FMNL2: variants seen among roughly 807,000 people sequenced by gnomAD.
FMNL2 encodes formin like 2, also known as formin-like protein 2.
A neutral mutation model predicts 130.2 loss-of-function variants in FMNL2; 51 were observed. The observed-to-expected ratio is 0.39, with a 90% CI of 0.31 to 0.49. The LOEUF (loss-of-function observed/expected upper bound fraction) is 0.49. Ranked by LOEUF, FMNL2 falls within the 20% of genes least tolerant of loss-of-function variation. The pLI is 0.85. For missense variants in FMNL2, 977 were observed against 1,316.2 expected (o/e 0.74, Z 3.99); for synonymous variants, 465 against 467.1 (o/e 1.00, Z 0.06).
At chr2:152,552,499 G>A (rs1694990716) in intron 4 of FMNL2, among the ~76,000 whole-genome samples, 1 of 152,204 alleles carries the variant, frequency 6.6e-6, no homozygotes, top group Non-Finnish European at 1.5e-5. Context: ...GCTTTCCCAA[G>A]ATAACATTCT....
At chr2:152,545,308 C>T (rs943545092) in intron 3 of FMNL2, among the ~76,000 whole-genome samples, 1 of 152,104 alleles carries the variant, frequency 6.6e-6, no homozygotes, top group Non-Finnish European at 1.5e-5. Context: ...TAAATTTCAG[C>T]CAGACAGTCT....
chr2:152,506,892 GT>G (rs1692205580), intron 1 of FMNL2, among the ~76,000 whole-genome samples: 1 of 152,210 alleles, frequency 6.6e-6, no homozygotes. Context: ...CAATATGTGT[GT>G]AGCTATGGGG....
chr2:152,442,878 A>G (rs764849415), intron 1 of FMNL2, among the ~76,000 whole-genome samples: 14 of 152,178 alleles, frequency 9.2e-5, no homozygotes, highest in Non-Finnish European at 1.8e-4. Context: ...TGCTCAGTTT[A>G]TGATTCAGTA....
In FMNL2 at chr2:152,648,038, G is replaced by A. The variant is rs12693429; in HGVS notation, c.*133G>A. 0.42 allele frequency: 310,493 copies of A among 744,412 alleles called. 69,653 individuals carry two copies. Among genetic ancestry groups the A allele is most frequent in the African/African-American group, 0.52 (29,021 of 55,848 alleles). The allele number at this position is 744,412 out of a possible 1,614,324, so 46.1% of individuals were successfully genotyped here. On this transcript the variant is annotated 3_prime_UTR_variant, in exon 26 of 26. Coordinates refer to ENST00000288670, the MANE Select transcript of FMNL2 (RefSeq NM_052905.4). ...TTAAGGGCTCAGATTTAGCAAACACGGAAGAATTTTAAAATGAGCTCTCCT... is the reference window on the plus strand; with the variant it reads ...TTAAGGGCTCAGATTTAGCAAACACAGAAGAATTTTAAAATGAGCTCTCCT...
intron 1 of FMNL2, among the ~76,000 whole-genome samples, chr2:152,348,339 T>G (rs1230181313): frequency 6.6e-6 from 1 of 152,232 alleles, no homozygotes; most frequent in Non-Finnish European, 1.5e-5. Context: ...CACTGTGGGC[T>G]CCTGAAAGGC....
chr2:152,558,650 T>A, intron 4 of FMNL2, 90 bp from the exon 5 acceptor site: 1 of 1,205,756 alleles, frequency 8.3e-7, no homozygotes, highest in Non-Finnish European at 1.2e-6. Context: ...AAGTTTCTGG[T>A]GGAAAAAACA....
intron 9 of FMNL2, among the ~76,000 whole-genome samples, chr2:152,585,851 T>C (rs920162618): frequency 1.3e-5 from 2 of 152,096 alleles, no homozygotes; most frequent in African/African-American, 4.8e-5. Flanking sequence ...TCTTTTTACT[T>C]TTTCCATTAT....
At chr2:152,345,286 T>C (rs1431351240) in intron 1 of FMNL2, among the ~76,000 whole-genome samples, 1 of 152,154 alleles carries the variant, frequency 6.6e-6, no homozygotes, top group Admixed American at 6.5e-5. Flanking sequence ...AAGATGACAA[T>C]TTTACAGTGG....
intron 1 of FMNL2, among the ~76,000 whole-genome samples, chr2:152,422,918 A>G (rs1686995771): frequency 6.6e-6 from 1 of 152,212 alleles, no homozygotes; most frequent in East Asian, 1.9e-4. Flanking sequence ...GAAACTTTGC[A>G]ACAGTTGTGT....
At chr2:152,634,583 G>A (rs1049018241) in intron 21 of FMNL2, among the ~76,000 whole-genome samples, 18 of 152,194 alleles carry the variant, frequency 1.2e-4, no homozygotes, top group Non-Finnish European at 2.4e-4. Context: ...AGCATTTTCC[G>A]CATCCTGCTG....
At chr2:152,370,256 G>A (rs1304025960) in intron 1 of FMNL2, among the ~76,000 whole-genome samples, 3 of 152,156 alleles carry the variant, frequency 2.0e-5, no homozygotes, top group Non-Finnish European at 4.4e-5. Flanking sequence ...ATTCTGGGTT[G>A]TGTGCTGCTG....
At chr2:152,598,114 G>T (rs1558995430) in intron 9 of FMNL2, among the ~76,000 whole-genome samples, 1 of 152,166 alleles carries the variant, frequency 6.6e-6, no homozygotes. Flanking sequence ...TGCCTCTTGC[G>T]CAGGCCCCAA....
chr2:152,633,642 CACTT>C lies in FMNL2; in HGVS notation c.2680+1507_2680+1510del, dbSNP rs1313072988. On this transcript the variant is annotated intron_variant, in intron 21 of 25. Transcript: ENST00000288670. ...ATAGACCTAGAGCAAGTTCGGGGCT[CACTT>C]AGACAGTAGGCAGAATTTCTGTTCT... Among the ~76,000 whole-genome samples the C allele has an allele frequency of 5.9e-5, 9 of 152,298 alleles. No individual in the cohort carries two copies. The South Asian group carries it at 1.9e-3, about 32-fold the overall frequency.
intron 13 of FMNL2, among the ~76,000 whole-genome samples, chr2:152,618,322 G>A (rs1489197565): frequency 6.6e-6 from 1 of 152,222 alleles, no homozygotes; most frequent in African/African-American, 2.4e-5. Flanking sequence ...TCAAGGGGGC[G>A]TTGTGAGGGC....
intron 1 of FMNL2, among the ~76,000 whole-genome samples, chr2:152,368,467 GTTTT>G (rs147652733): frequency 6.7e-6 from 1 of 149,370 alleles, no homozygotes; most frequent in African/African-American, 2.5e-5. Context: ...TATTTTAAAA[GTTTT>G]TTTTTTTAAG....
At chr2:152,508,918 TTAAAA>T (rs1692332397) in intron 1 of FMNL2, among the ~76,000 whole-genome samples, 1 of 152,136 alleles carries the variant, frequency 6.6e-6, no homozygotes. Flanking sequence ...AGTCCAGCAC[TTAAAA>T]TGGAATAGTG....
At chr2:152,372,129 A>G (rs1442806427) in intron 1 of FMNL2, among the ~76,000 whole-genome samples, 1 of 152,226 alleles carries the variant, frequency 6.6e-6, no homozygotes, top group Admixed American at 6.5e-5. Context: ...GGGAGAAATC[A>G]TACATCTCAG....
chr2:152,460,292 T>G (rs757202656), intron 1 of FMNL2, among the ~76,000 whole-genome samples: 3 of 152,194 alleles, frequency 2.0e-5, no homozygotes, highest in Non-Finnish European at 4.4e-5. Flanking sequence ...TGTGTTTATT[T>G]GGTTTCATAT....
intron 1 of FMNL2, among the ~76,000 whole-genome samples, chr2:152,470,293 A>G (rs1476468650): frequency 6.6e-6 from 1 of 152,172 alleles, no homozygotes; most frequent in Admixed American, 6.5e-5. Flanking sequence ...AAGTCCCGTA[A>G]TCTCAGGTGA....
Sources: allele counts gnomAD v4.1 joint callset (sites outside exome capture counted in the v4.1 genomes callset), GRCh38; gene constraint gnomAD v4.1.1; transcripts MANE v1.5; gene names NCBI Gene and HGNC (gene_info 2026-07-23, HGNC 2026-07-21).